LPCAT1: variants seen among roughly 807,000 people sequenced by gnomAD.
LPCAT1 encodes lysophosphatidylcholine acyltransferase 1.
In LPCAT1, 23 loss-of-function variants were observed where a neutral mutation model predicts 60.9. That is an observed-to-expected ratio of 0.38 (90% confidence interval 0.27 to 0.53). LPCAT1 has a LOEUF of 0.53. Ranked by LOEUF, LPCAT1 falls within the 20% of genes least tolerant of loss-of-function variation. The pLI, the probability that LPCAT1 is intolerant of heterozygous loss-of-function variation, is 0.82. For missense variants in LPCAT1, 622 were observed against 723.6 expected (o/e 0.86, Z 1.61); for synonymous variants, 340 against 301.1 (o/e 1.13, Z -1.34).
At chr5:1,463,866 A>T (rs750400894) in intron 13 of LPCAT1, 31 bp from the exon 14 acceptor site, 1 of 1,607,728 alleles carries the variant, frequency 6.2e-7, no homozygotes, top group African/African-American at 1.3e-5. Flanking sequence ...GTGGTTATGG[A>T]ATGGGGACGA....
intron 8 of LPCAT1, among the ~76,000 whole-genome samples, chr5:1,478,681 C>A (rs537262553): frequency 6.6e-6 from 1 of 152,278 alleles, no homozygotes; most frequent in South Asian, 2.1e-4. Context: ...AGTGAACAGC[C>A]GGGCTGAAAG....
chr5:1,464,663 G>A (rs1734256858), intron 13 of LPCAT1, among the ~76,000 whole-genome samples: 1 of 111,522 alleles, frequency 9.0e-6, no homozygotes, highest in African/African-American at 3.8e-5. Flanking sequence ...ACACACAAAA[G>A]CACGCACACA....
At chr5:1,493,174 T>C (rs1056429999) in intron 3 of LPCAT1, among the ~76,000 whole-genome samples, 6 of 152,172 alleles carry the variant, frequency 3.9e-5, no homozygotes, top group Non-Finnish European at 7.4e-5. Context: ...GCCAGCCGAG[T>C]GCAGTGAGCC....
chr5:1,475,487 C>T (rs1419562012), intron 9 of LPCAT1, among the ~76,000 whole-genome samples: 1 of 152,330 alleles, frequency 6.6e-6, no homozygotes, highest in Middle Eastern at 3.4e-3. Flanking sequence ...TCTCTCCAGG[C>T]CAGCACTGCA....
Position 1,506,223 on chromosome 5 carries a change from CAGG to C in LPCAT1, c.136-4623_136-4621del, listed in dbSNP as rs1736182383. On this transcript the variant is annotated intron_variant, in intron 1 of 13. Coordinates refer to ENST00000283415, the MANE Select transcript of LPCAT1 (RefSeq NM_024830.5). Reference sequence around the variant, plus strand: ...AGAGGGGGCCTCTGGGAGCCCCAGGCAGGAGGAGGAGCAGTGCTCCTGGTGAAG... The same window carrying C: ...AGAGGGGGCCTCTGGGAGCCCCAGGCAGGAGGAGCAGTGCTCCTGGTGAAG... Among the ~76,000 whole-genome samples the C allele has an allele frequency of 4.6e-5, 7 of 152,316 alleles. No homozygotes were observed. The South Asian group carries it at 8.3e-4, about 18-fold the overall frequency.
intron 13 of LPCAT1, among the ~76,000 whole-genome samples, chr5:1,464,963 C>T (rs1448803915): frequency 1.3e-5 from 2 of 151,660 alleles, no homozygotes; most frequent in Non-Finnish European, 2.9e-5. Context: ...TAACTACACA[C>T]ATGCACGCAC....
rs1735512832 is a variant in LPCAT1, at chr5:1,489,928, G to A, written c.494-70C>T. 3.5e-6 allele frequency: 4 copies of A among 1,144,766 alleles called. No individual in the cohort carries two copies. In the South Asian group the frequency reaches 4.9e-5, roughly 14 times the overall value. The allele number at this position is 1,144,766 out of a possible 1,614,324, so 70.9% of individuals were successfully genotyped here. A position where few individuals can be genotyped will look rare whatever the true frequency, so the allele number is the denominator to read the frequency against. The stretch of plus-strand genomic sequence containing the variant: ...CCGCCAGGCAGGGCTGAGGAACGAG[G>A]GGGCTGCTGCATGGCGCCCAGTGGG... On this transcript the variant is annotated intron_variant, in intron 3 of 13. Transcript: ENST00000283415.
intron 4 of LPCAT1, 118 bp downstream of exon 4, chr5:1,489,625 TAGG>T (rs756295472): frequency 2.1e-5 from 17 of 811,730 alleles, no homozygotes; most frequent in Admixed American, 1.3e-4. Context: ...ACGCACTCAC[TAGG>T]AGAAGAGAAT....
intron 12 of LPCAT1, among the ~76,000 whole-genome samples, chr5:1,467,952 T>C (rs910970033): frequency 6.6e-6 from 1 of 152,130 alleles, no homozygotes; most frequent in Non-Finnish European, 1.5e-5. Flanking sequence ...CTTCTCCTGC[T>C]GCAGCGCGCT....
In LPCAT1 at chr5:1,473,945, G is replaced by A. The variant is rs770582545; in HGVS notation, c.1179+12C>T. ...TTTGCCGACACCCCGCTCCGCAGGC[G>A]ACAGGCCCTACCTCGTCGAACAGTG... On this transcript the variant is annotated intron_variant, in intron 11 of 13. Coordinates refer to ENST00000283415, the MANE Select transcript of LPCAT1 (RefSeq NM_024830.5). 31 of 1,612,212 alleles carry A rather than the reference G, an allele frequency of 1.9e-5. No homozygotes were observed. Among genetic ancestry groups the A allele is most frequent in the Admixed American group, 1.7e-4 (10 of 59,882 alleles).
Position 1,480,518 on chromosome 5 carries a change from T to C in LPCAT1, c.761+424A>G, listed in dbSNP as rs997717562. 7.4e-5 allele frequency: 18 copies of C among 243,340 alleles called. No homozygotes were observed. The highest frequency in any genetic ancestry group is 1.1e-4 in the Non-Finnish European group (16 of 151,430). The allele number at this position is 243,340 out of a possible 1,614,324, so 15.1% of individuals were successfully genotyped here. ...ATTGTTGCATAACTGACCTTCGGTG[T>C]CTCTGCTGGGGGGACAGGGACACTG... On this transcript the variant is annotated intron_variant, in intron 7 of 13. Coordinates refer to ENST00000283415, the MANE Select transcript of LPCAT1 (RefSeq NM_024830.5). This position sits in a 1 kb window ranked among gnomAD's most constrained non-coding sequence, Gnocchi z 6.4.
chr5:1,462,224 T>A lies in LPCAT1; in HGVS notation c.*1427A>T, dbSNP rs1043715743. 5.2e-5 allele frequency: 8 copies of A among 152,504 alleles called. No homozygotes were observed. Among genetic ancestry groups the A allele is most frequent in the Non-Finnish European group, 8.8e-5 (6 of 68,006 alleles). The allele number at this position is 152,504 out of a possible 1,614,324, so 9.4% of individuals were successfully genotyped here. The stretch of plus-strand genomic sequence containing the variant: ...CAATTCATTTCAGAAATCAAAAAAA[T>A]TTTCCAAACAAACCCGGAGCCTTTG... On this transcript the variant is annotated 3_prime_UTR_variant, in exon 14 of 14. Transcript: ENST00000283415.
chr5:1,522,151 G>C lies in LPCAT1; in HGVS notation c.135+1559C>G, dbSNP rs953785029. On this transcript the variant is annotated intron_variant, in intron 1 of 13. Transcript: ENST00000283415. The surrounding 1 kb of genome is among the most constrained non-coding windows in gnomAD (Gnocchi z 6.8). Reference sequence around the variant, plus strand: ...GCCCTGGAAACCACAGCAGGGGTTCGAATTTCATCCGGGGGCGTCCCCGCT... The same window carrying C: ...GCCCTGGAAACCACAGCAGGGGTTCCAATTTCATCCGGGGGCGTCCCCGCT... Among the ~76,000 whole-genome samples the C allele has an allele frequency of 1.3e-5, 2 of 152,290 alleles. No individual in the cohort carries two copies. Among genetic ancestry groups the C allele is most frequent in the South Asian group, 2.1e-4 (1 of 4,828 alleles).
Position 1,479,617 on chromosome 5 carries a change from G to T in LPCAT1, c.816+4C>A. On this transcript the variant is annotated splice_donor_region_variant and intron_variant, in intron 8 of 13. Transcript: ENST00000283415. ...GCGCTGTGTAACTCTGTATCCATAC[G>T]AACCTCGATTTCCACTTGGTTGTGA... is the stretch of plus-strand genomic sequence containing the variant. 1 of 1,604,118 alleles carries T rather than the reference G, an allele frequency of 6.2e-7. No homozygotes were observed. Among genetic ancestry groups the T allele is most frequent in the Non-Finnish European group, 8.5e-7 (1 of 1,170,828 alleles).
At chr5:1,513,417 C>T (rs959497609) in intron 1 of LPCAT1, among the ~76,000 whole-genome samples, 1 of 152,188 alleles carries the variant, frequency 6.6e-6, no homozygotes, top group Non-Finnish European at 1.5e-5. Context: ...GAGGGCTCAG[C>T]TCCTGCAAGG....
At chr5:1,518,281 T>C (rs924092552) in intron 1 of LPCAT1, among the ~76,000 whole-genome samples, 3 of 152,214 alleles carry the variant, frequency 2.0e-5, no homozygotes, top group African/African-American at 7.2e-5. Context: ...GAGAAAAATA[T>C]AAGACAGAGC....
At chr5:1,494,069 T>A in intron 3 of LPCAT1, among the ~76,000 whole-genome samples, 1 of 152,212 alleles carries the variant, frequency 6.6e-6, no homozygotes, top group East Asian at 1.9e-4. Context: ...GGTCCCCAGA[T>A]GACGAGAGGG....
rs1560962972 is a variant in LPCAT1 at position 1,480,396 on chromosome 5, CGACGTCAGCTCA to C, written c.761+534_761+545del. The stretch of plus-strand genomic sequence containing the variant: ...GACTTTCCCGCTCCCTCTGCCCTCC[CGACGTCAGCTCA>C]GACGTCAGCACCCAGGAGGCCCTGA... On this transcript the variant is annotated intron_variant, in intron 7 of 13. Coordinates refer to ENST00000283415, the MANE Select transcript of LPCAT1 (RefSeq NM_024830.5). The surrounding 1 kb of genome is among the most constrained non-coding windows in gnomAD (Gnocchi z 6.4). The C allele has an allele frequency of 1.0e-6, 1 of 985,266 alleles. No individual in the cohort carries two copies. The highest frequency in any genetic ancestry group is 1.2e-6 in the Non-Finnish European group (1 of 829,798). The allele number at this position is 985,266 out of a possible 1,614,324, so 61.0% of individuals were successfully genotyped here. A position where few individuals can be genotyped will look rare whatever the true frequency, so the allele number is the denominator to read the frequency against.
chr5:1,501,697 CCA>C, intron 1 of LPCAT1, 94 bp from the exon 2 acceptor site: 1 of 1,302,842 alleles, frequency 7.7e-7, no homozygotes, highest in Non-Finnish European at 1.1e-6. Flanking sequence ...ACAGCGCGCC[CCA>C]CAGAGTGGAG....
Sources: gnomAD v4.1 joint callset for allele counts (sites outside exome capture counted in the v4.1 genomes callset) on GRCh38, gnomAD v4.1.1 for gene constraint, Gnocchi (gnomAD v3.1) non-coding constraint, MANE v1.5 for transcripts, NCBI Gene and HGNC (gene_info 2026-07-23, HGNC 2026-07-21) for gene names.